ADAMTS6: variants seen among roughly 807,000 people sequenced by gnomAD.
The protein encoded by ADAMTS6 is ADAM metallopeptidase with thrombospondin type 1 motif 6, also known as A disintegrin and metalloproteinase with thrombospondin motifs 6.
ADAMTS6 carries 23 observed loss-of-function variants against 144.3 expected under a neutral mutation model. That is an observed-to-expected ratio of 0.16 (90% CI 0.11 to 0.23). The LOEUF (loss-of-function observed/expected upper bound fraction) is 0.23, where lower values mean the gene tolerates loss of function less well. Among genes scored for constraint, ADAMTS6 ranks in the 10% least tolerant of loss-of-function variants. ADAMTS6 has a pLI of 1.00. For synonymous variants in ADAMTS6, 444 were observed against 457.5 expected (o/e 0.97, Z 0.38); for missense variants, 999 against 1,379.6 (o/e 0.72, Z 4.37).
chr5:65,296,584 A>C (rs916407233), intron 10 of ADAMTS6, among the ~76,000 whole-genome samples: 44 of 152,266 alleles, frequency 2.9e-4, no homozygotes, highest in African/African-American at 1.0e-3. Context: ...ATCTATAAAG[A>C]TTGTTTTTTA....
intron 9 of ADAMTS6, among the ~76,000 whole-genome samples, chr5:65,324,126 T>G (rs549412220): frequency 1.8e-4 from 27 of 152,250 alleles, no homozygotes; most frequent in African/African-American, 6.0e-4. Flanking sequence ...AGTTTAATTA[T>G]ATCCCAATTG....
intron 7 of ADAMTS6, among the ~76,000 whole-genome samples, chr5:65,396,240 G>A (rs998886610): frequency 6.6e-6 from 1 of 152,040 alleles, no homozygotes; most frequent in Non-Finnish European, 1.5e-5. Flanking sequence ...ATAGTCCAAA[G>A]GATATCATTT....
intron 11 of ADAMTS6, among the ~76,000 whole-genome samples, chr5:65,278,802 AATG>A (rs1291109793): frequency 6.6e-6 from 1 of 152,094 alleles, no homozygotes; most frequent in Non-Finnish European, 1.5e-5. Flanking sequence ...CTCATTTTTT[AATG>A]ATATTTAAAT....
At position 65,403,388 on chromosome 5, in the gene ADAMTS6, C is replaced by T. The variant is rs560560023; in HGVS notation, c.1073+48087G>A. Among the ~76,000 whole-genome samples the T allele has an allele frequency of 1.5e-4, 23 of 152,114 alleles. No individual in the cohort carries two copies. The East Asian group carries it at 2.1e-3, about 14-fold the overall frequency. ...ATTATGTCTCCCAAAATTTTAACTC[C>T]GTTTCTATCTTCCCTTCTGAAATCC... On this transcript the variant is annotated intron_variant, in intron 7 of 24. Coordinates refer to ENST00000381055, the MANE Select transcript of ADAMTS6 (RefSeq NM_197941.4).
At chr5:65,316,155 G>T (rs556371607) in intron 9 of ADAMTS6, among the ~76,000 whole-genome samples, 3 of 152,022 alleles carry the variant, frequency 2.0e-5, no homozygotes, top group Admixed American at 1.3e-4. Context: ...CAGGCAATCC[G>T]CCCACCTCGG....
rs754992864 is a variant in ADAMTS6 at position 65,329,473 on chromosome 5, A to T, written c.1128T>A (p.Ser376=). 17 of 1,612,072 alleles carry T rather than the reference A, an allele frequency of 1.1e-5. No homozygotes were observed. Among genetic ancestry groups the T allele is most frequent in the Non-Finnish European group, 1.4e-5 (17 of 1,178,940 alleles). Residue 376 remains serine, a synonymous_variant, in exon 9 of 25, where the codon TCT becomes TCA. Coordinates refer to ENST00000381055, the MANE Select transcript of ADAMTS6 (RefSeq NM_197941.4). ...TTTCAGGCTCACACATTCCAGCCAC[A>T]GAGGCCAAGCCTGAATAAACAGAAA... ...NKPCGTLGLA[S]VAGMCEPERS...
intron 7 of ADAMTS6, among the ~76,000 whole-genome samples, chr5:65,345,004 C>T (rs1748182860): frequency 6.6e-6 from 1 of 151,770 alleles, no homozygotes; most frequent in African/African-American, 2.4e-5. Flanking sequence ...TCTCATCAAA[C>T]TGGTAATTTT....
intron 11 of ADAMTS6, among the ~76,000 whole-genome samples, chr5:65,287,510 A>G (rs1021346629): frequency 6.6e-6 from 1 of 152,070 alleles, no homozygotes; most frequent in African/African-American, 2.4e-5. Context: ...CACCTATAAA[A>G]TATTATATAA....
chr5:65,450,694 G>A (rs929178567), intron 7 of ADAMTS6, among the ~76,000 whole-genome samples: 4 of 152,054 alleles, frequency 2.6e-5, no homozygotes, highest in South Asian at 4.1e-4. Context: ...AGATAGCATC[G>A]TATAATCAAA....
At position 65,149,458 on chromosome 5, in the gene ADAMTS6, G is replaced by C. The variant is rs1314736099; in HGVS notation, c.*2378C>G. On this transcript the variant is annotated 3_prime_UTR_variant, in exon 25 of 25. Coordinates refer to ENST00000381055, the MANE Select transcript of ADAMTS6 (RefSeq NM_197941.4). ...CCCTCTAGAAAGGCACTCTGATGCT[G>C]CCCCGGGGGATGCCTGCATTTTGTT... 6.6e-6 allele frequency: 1 copy of C among 152,270 alleles called. No homozygotes were observed. The highest frequency in any genetic ancestry group is 1.5e-5 in the Non-Finnish European group (1 of 68,078). 9.4% of individuals were successfully genotyped at this position (152,270 alleles called of 1,614,324 possible).
intron 9 of ADAMTS6, among the ~76,000 whole-genome samples, chr5:65,302,330 T>C (rs1379989285): frequency 6.9e-6 from 1 of 145,366 alleles, no homozygotes; most frequent in Non-Finnish European, 1.5e-5. Flanking sequence ...TACATGTATA[T>C]ATTATATACA....
chr5:65,257,099 G>C (rs1024066091), intron 14 of ADAMTS6, among the ~76,000 whole-genome samples: 1 of 150,580 alleles, frequency 6.6e-6, no homozygotes, highest in African/African-American at 2.4e-5. Flanking sequence ...CAAAGTGCAG[G>C]GATTACAGGC....
intron 7 of ADAMTS6, among the ~76,000 whole-genome samples, chr5:65,434,850 G>T (rs916304750): frequency 7.9e-5 from 12 of 152,056 alleles, no homozygotes; most frequent in African/African-American, 2.4e-4. Context: ...GACATAAAAT[G>T]ATTATCCCTT....
At chr5:65,235,596 A>G (rs2112461338) in intron 15 of ADAMTS6, among the ~76,000 whole-genome samples, 1 of 152,278 alleles carries the variant, frequency 6.6e-6, no homozygotes, top group Non-Finnish European at 1.5e-5. Context: ...AAATGTGAAA[A>G]GAGAGACTGG....
chr5:65,426,391 C>A (rs1033172100), intron 7 of ADAMTS6, among the ~76,000 whole-genome samples: 15 of 151,924 alleles, frequency 9.9e-5, no homozygotes, highest in Admixed American at 7.9e-4. Flanking sequence ...CTACTTTTAT[C>A]ACTTCTCAGC....
intron 7 of ADAMTS6, among the ~76,000 whole-genome samples, chr5:65,448,273 T>C (rs2150243912): frequency 6.6e-6 from 1 of 152,242 alleles, no homozygotes; most frequent in African/African-American, 2.4e-5. Flanking sequence ...CAGTTCGTTT[T>C]AAATGTAAAT....
At chr5:65,269,940 C>T (rs1398522238) in intron 12 of ADAMTS6, among the ~76,000 whole-genome samples, 1 of 151,942 alleles carries the variant, frequency 6.6e-6, no homozygotes, top group African/African-American at 2.4e-5. Context: ...ACTACAGGTG[C>T]CTGCCACCAT....
intron 9 of ADAMTS6, among the ~76,000 whole-genome samples, chr5:65,313,314 C>T (rs927724748): frequency 1.3e-5 from 2 of 152,036 alleles, no homozygotes; most frequent in Admixed American, 1.3e-4. Context: ...ATTTTAATAA[C>T]TTTTCTAAAG....
At chr5:65,211,474 C>T (rs78263508) in intron 20 of ADAMTS6, among the ~76,000 whole-genome samples, 1,694 of 151,866 alleles carry the variant, frequency 0.011, 30 homozygotes, top group African/African-American at 0.038. Flanking sequence ...TGTTGGTGGG[C>T]GCCTGTAGTC....
Sources: allele counts gnomAD v4.1 joint callset (sites outside exome capture counted in the v4.1 genomes callset), GRCh38; gene constraint gnomAD v4.1.1; transcripts MANE v1.5; gene names NCBI Gene and HGNC (gene_info 2026-07-23, HGNC 2026-07-21).